AFAP1L2: variants seen among roughly 807,000 people sequenced by gnomAD.
AFAP1L2 encodes actin filament associated protein 1 like 2.
Under a neutral mutation model 99.3 loss-of-function variants are expected in AFAP1L2, and 46 were observed. The observed-to-expected ratio is 0.46, with a 90% CI of 0.37 to 0.59. The LOEUF is 0.59. Ranked by LOEUF, AFAP1L2 falls within the 20% of genes least tolerant of loss-of-function variation. The pLI, the probability that AFAP1L2 is intolerant of heterozygous loss-of-function variation, is 0.00. For synonymous variants in AFAP1L2, 397 were observed against 419.1 expected (o/e 0.95, Z 0.64); for missense variants, 959 against 1,034.9 (o/e 0.93, Z 1.01).
chr10:114,381,006 G>A (rs1377566562), intron 1 of AFAP1L2, among the ~76,000 whole-genome samples: 4 of 152,302 alleles, frequency 2.6e-5, no homozygotes, highest in Non-Finnish European at 5.9e-5. Flanking sequence ...GTATGTATAT[G>A]CATGTGTGTG....
intron 1 of AFAP1L2, among the ~76,000 whole-genome samples, chr10:114,362,421 G>C (rs996632835): frequency 6.6e-6 from 1 of 152,166 alleles, no homozygotes; most frequent in Non-Finnish European, 1.5e-5. Flanking sequence ...CCTTGTAAGA[G>C]GAAGAAGAGG....
At chr10:114,281,302 G>C in the AFAP1L2 span, 1 of 152,276 alleles carries the variant, frequency 6.6e-6, no homozygotes, top group Non-Finnish European at 1.5e-5. Flanking sequence ...ATGAGGAACC[G>C]CTCCTGTGAC....
At chr10:114,375,052 T>C (rs1222798747) in intron 1 of AFAP1L2, among the ~76,000 whole-genome samples, 1 of 152,192 alleles carries the variant, frequency 6.6e-6, no homozygotes, top group Admixed American at 6.5e-5. Flanking sequence ...CAGTGAACTA[T>C]ATACCTAAAT....
intron 2 of AFAP1L2, among the ~76,000 whole-genome samples, chr10:114,337,995 CG>C (rs1473042318): frequency 6.6e-6 from 1 of 152,132 alleles, no homozygotes; most frequent in African/African-American, 2.4e-5. Context: ...GGCGGGCGGA[CG>C]CTCCCTACAA....
At chr10:114,292,480 A>G (rs2039692717), downstream of AFAP1L2, among the ~76,000 whole-genome samples, 1 of 151,680 alleles carries the variant, frequency 6.6e-6, no homozygotes. Context: ...GCTTTTCTAC[A>G]CAGTTTTTAA....
At chr10:114,352,942 C>G (rs1284199780) in intron 1 of AFAP1L2, among the ~76,000 whole-genome samples, 1 of 152,250 alleles carries the variant, frequency 6.6e-6, no homozygotes, top group Non-Finnish European at 1.5e-5. Context: ...TCCCCCTCAT[C>G]CATTCACTCA....
chr10:114,308,214 C>G (rs1391055176), intron 9 of AFAP1L2, among the ~76,000 whole-genome samples: 2 of 152,200 alleles, frequency 1.3e-5, no homozygotes, highest in Admixed American at 6.5e-5. Flanking sequence ...GGTTAGCAAA[C>G]AAGAAGAGAT....
chr10:114,351,604 C>T (rs1483133194), intron 1 of AFAP1L2, among the ~76,000 whole-genome samples: 1 of 152,160 alleles, frequency 6.6e-6, no homozygotes. Context: ...ATTAGGTGCC[C>T]ACTGGACCAC....
At chr10:114,387,003 T>C (rs999934896) in intron 1 of AFAP1L2, among the ~76,000 whole-genome samples, 1 of 152,194 alleles carries the variant, frequency 6.6e-6, no homozygotes, top group African/African-American at 2.4e-5. Flanking sequence ...TGATCCTGTA[T>C]CTAATTGTTC....
intron 4 of AFAP1L2, among the ~76,000 whole-genome samples, chr10:114,331,027 A>G (rs1208447984): frequency 6.6e-6 from 1 of 152,142 alleles, no homozygotes; most frequent in Non-Finnish European, 1.5e-5. Flanking sequence ...AAAGTCTCTA[A>G]AGCAGGCCTG....
In AFAP1L2 at chr10:114,327,174, T is replaced by TATATATATATATA. The variant is rs1491529827; in HGVS notation, c.316-3914_316-3913insTATATATATATAT. 6.8e-4 allele frequency among the ~76,000 whole-genome samples: 41 copies of TATATATATATATA among 60,564 alleles called. 1 individual carries two copies. Among genetic ancestry groups the TATATATATATATA allele is most frequent in the South Asian group, 1.1e-3 (2 of 1,846 alleles). The allele number at this position is 60,564 out of a possible 152,430, so 39.7% of individuals were successfully genotyped here. A position where few individuals can be genotyped will look rare whatever the true frequency, so the allele number is the denominator to read the frequency against. On this transcript the variant is annotated intron_variant, in intron 4 of 18. Coordinates refer to ENST00000304129, the MANE Select transcript of AFAP1L2 (RefSeq NM_001001936.3). Reference sequence around the variant, plus strand: ...ATATATATATATATATATATATATATTTTTTTTTTAGGCAGAGTCTCACTG... The same window carrying TATATATATATATA: ...ATATATATATATATATATATATATATATATATATATATATTTTTTTTTAGGCAGAGTCTCACTG...
At chr10:114,349,103 T>G (rs2050041123) in intron 1 of AFAP1L2, among the ~76,000 whole-genome samples, 1 of 151,850 alleles carries the variant, frequency 6.6e-6, no homozygotes, top group Non-Finnish European at 1.5e-5. Context: ...TGGGGCTAGG[T>G]GCAGTGGCTC....
chr10:114,321,260 C>G (rs1290812848), intron 5 of AFAP1L2, among the ~76,000 whole-genome samples: 2 of 152,058 alleles, frequency 1.3e-5, no homozygotes, highest in African/African-American at 4.8e-5. Flanking sequence ...CACCCCCACT[C>G]CCAATCTTCC....
At chr10:114,403,941 C>A (rs975831945) in intron 1 of AFAP1L2, among the ~76,000 whole-genome samples, 1 of 152,184 alleles carries the variant, frequency 6.6e-6, no homozygotes, top group Non-Finnish European at 1.5e-5. Context: ...CCCCACCTAG[C>A]CCGGGGAGGG....
rs771940079 is a variant in AFAP1L2 at position 114,315,793 on chromosome 10, C to T, written c.407-28G>A. 4 of 1,587,934 alleles carry T rather than the reference C, an allele frequency of 2.5e-6. No homozygotes were observed. In the Admixed American group the frequency reaches 7.0e-5, roughly 28 times the overall value. Reference sequence around the variant, plus strand: ...GCAAGGAAGACCAGCTCGGTCAGGGCCCCATGGGGCAGGGGACAGTCCTGA... The same window carrying T: ...GCAAGGAAGACCAGCTCGGTCAGGGTCCCATGGGGCAGGGGACAGTCCTGA... On this transcript the variant is annotated intron_variant, in intron 5 of 18. Transcript: ENST00000304129.
intron 1 of AFAP1L2, among the ~76,000 whole-genome samples, chr10:114,364,838 G>A (rs1463557615): frequency 6.6e-6 from 1 of 152,190 alleles, no homozygotes; most frequent in Non-Finnish European, 1.5e-5. Flanking sequence ...GCTGGCTACA[G>A]AGGGCCAGGA....
intron 7 of AFAP1L2, among the ~76,000 whole-genome samples, chr10:114,313,333 C>A (rs998263427): frequency 6.6e-6 from 1 of 152,144 alleles, no homozygotes; most frequent in Non-Finnish European, 1.5e-5. Context: ...CACCCAGGGA[C>A]GCGTGGGCAG....
chr10:114,379,144 T>C (rs1267791752), intron 1 of AFAP1L2, among the ~76,000 whole-genome samples: 1 of 151,002 alleles, frequency 6.6e-6, no homozygotes, highest in East Asian at 1.9e-4. Context: ...GCCCGGGAGA[T>C]GGAGGTTGTA....
chr10:114,333,393 A>C, intron 2 of AFAP1L2, 98 bp from the exon 3 acceptor site: 1 of 892,442 alleles, frequency 1.1e-6, no homozygotes, highest in South Asian at 1.4e-5. Flanking sequence ...TCATCTGCCT[A>C]GGTTCCAGTA....
Sources: allele counts gnomAD v4.1 joint callset (sites outside exome capture counted in the v4.1 genomes callset), GRCh38; gene constraint gnomAD v4.1.1; transcripts MANE v1.5; gene names NCBI Gene and HGNC (gene_info 2026-07-23, HGNC 2026-07-21).